The following SORBS2 variants were observed in gnomAD, a reference collection of about 807,000 sequenced individuals.
SORBS2 encodes sorbin and SH3 domain-containing protein 2.
In SORBS2, 46 loss-of-function variants were observed where a neutral mutation model predicts 97.7. The observed-to-expected ratio is 0.47, with a 90% CI of 0.37 to 0.60. SORBS2 has a LOEUF of 0.60. SORBS2 is among the 20% of genes least tolerant of loss of function. SORBS2 has a pLI of 0.00. For synonymous variants in SORBS2, 476 were observed against 473.4 expected, an observed-to-expected ratio of 1.01 and a Z score of -0.07; for missense variants, 1,316 against 1,282.3, an observed-to-expected ratio of 1.03 and a Z score of -0.40.
At chr4:185,796,001 G>A (rs1584973302) in intron 1 of SORBS2, among the ~76,000 whole-genome samples, 1 of 152,144 alleles carries the variant, frequency 6.6e-6, no homozygotes, top group East Asian at 1.9e-4. Flanking sequence ...CTACTGTCCT[G>A]TCTCAGCTGA....
At chr4:185,894,566 C>A (rs1327963435) in intron 1 of SORBS2, among the ~76,000 whole-genome samples, 1 of 152,188 alleles carries the variant, frequency 6.6e-6, no homozygotes, top group African/African-American at 2.4e-5. Flanking sequence ...ACACTGAAGA[C>A]TTGACCAGCC....
chr4:185,690,562 C>A, intron 2 of SORBS2: 1 of 1,524,714 alleles, frequency 6.6e-7, no homozygotes, highest in Non-Finnish European at 8.9e-7. Context: ...GACAGCATAC[C>A]TGTGTTCATT....
intron 4 of SORBS2, chr4:185,638,156 G>C (rs2097056019): frequency 6.3e-7 from 1 of 1,598,940 alleles, no homozygotes; most frequent in Non-Finnish European, 8.6e-7. Context: ...GGATTTATGC[G>C]ATCAGTCTAG....
intron 5 of SORBS2, 60 bp downstream of exon 17, chr4:185,630,489 A>T: frequency 9.5e-7 from 1 of 1,048,486 alleles, no homozygotes; most frequent in Admixed American, 2.3e-5. Flanking sequence ...GAATAATTTT[A>T]TTGTTGAAAA....
intron 11 of SORBS2, among the ~76,000 whole-genome samples, chr4:185,614,153 T>C (rs1176867010): frequency 6.9e-6 from 1 of 145,820 alleles, no homozygotes; most frequent in African/African-American, 2.6e-5. Flanking sequence ...TTGATTGTTT[T>C]TTTGTGTTTT....
At chr4:185,934,935 T>C (rs2099268252) in intron 1 of SORBS2, among the ~76,000 whole-genome samples, 1 of 152,186 alleles carries the variant, frequency 6.6e-6, no homozygotes, top group Non-Finnish European at 1.5e-5. Context: ...TGATCATGGC[T>C]CTTCGGGATA....
intron 1 of SORBS2, among the ~76,000 whole-genome samples, chr4:185,878,334 G>A (rs1355144970): frequency 1.3e-5 from 2 of 152,140 alleles, no homozygotes; most frequent in Non-Finnish European, 1.5e-5. Context: ...CCATATATGA[G>A]GATCACTATA....
intron 5 of SORBS2, among the ~76,000 whole-genome samples, chr4:185,628,996 G>A (rs1241003732): frequency 6.6e-6 from 1 of 152,184 alleles, no homozygotes; most frequent in Non-Finnish European, 1.5e-5. Flanking sequence ...AGTGATAATA[G>A]CAACAGCAGC....
intron 2 of SORBS2, among the ~76,000 whole-genome samples, chr4:185,708,200 G>A (rs2098374704): frequency 6.6e-6 from 1 of 152,136 alleles, no homozygotes; most frequent in Non-Finnish European, 1.5e-5. Flanking sequence ...ATTCTCCTTA[G>A]TCAGAAAAGC....
intron 1 of SORBS2, among the ~76,000 whole-genome samples, chr4:185,941,911 A>T (rs1323925001): frequency 4.6e-5 from 7 of 152,078 alleles, no homozygotes; most frequent in Non-Finnish European, 1.0e-4. Flanking sequence ...AGGTGAGGAG[A>T]TCGAGACCAG....
chr4:185,639,869 C>T (rs2310324), intron 4 of SORBS2, among the ~76,000 whole-genome samples: 105,691 of 152,012 alleles, frequency 0.7, 37,180 homozygotes, highest in Non-Finnish European at 0.74. Flanking sequence ...GGGACTTAAA[C>T]TGAATAGCGA....
At chr4:185,922,537 G>A (rs901502981) in intron 1 of SORBS2, among the ~76,000 whole-genome samples, 19 of 152,164 alleles carry the variant, frequency 1.2e-4, no homozygotes, top group African/African-American at 3.4e-4. Context: ...CTTCTGGAAC[G>A]CATCAGGTTT....
intron 12 of SORBS2, among the ~76,000 whole-genome samples, chr4:185,596,596 G>A (rs1316692423): frequency 1.5e-5 from 2 of 137,336 alleles, no homozygotes; most frequent in African/African-American, 5.5e-5. Flanking sequence ...GGTCAGTGGT[G>A]TGATCTTGGC....
chr4:185,631,502 CCTGT>C (rs1369372175), intron 4 of SORBS2, among the ~76,000 whole-genome samples: 29 of 152,182 alleles, frequency 1.9e-4, no homozygotes, highest in African/African-American at 6.8e-4. Context: ...GTGGCTCATG[CCTGT>C]AATCCCAGCA....
chr4:185,642,466 G>A (rs530660949), intron 4 of SORBS2, among the ~76,000 whole-genome samples: 12 of 151,788 alleles, frequency 7.9e-5, no homozygotes, highest in African/African-American at 2.9e-4. Flanking sequence ...GGGATATAAA[G>A]GTTTTAGTAA....
At position 185,606,489 on chromosome 4, in the gene SORBS2, G is replaced by A. The variant is rs2096422268; in HGVS notation, c.2796+5291C>T. On this transcript the variant is annotated intron_variant, in intron 12 of 14. Transcript: ENST00000418609. This position sits in a 1 kb window ranked among gnomAD's most constrained non-coding sequence, Gnocchi z 4.3. ...TTGTGTTTTTTGTTTAAAAAAATCT[G>A]TTAGTCAAAATAGGTATTTATTAAT... The A allele has an allele frequency of 3.1e-6, 3 of 982,744 alleles. No individual in the cohort carries two copies. Among genetic ancestry groups the A allele is most frequent in the Non-Finnish European group, 3.6e-6 (3 of 827,568 alleles). 60.9% of individuals were successfully genotyped at this position (982,744 alleles called of 1,614,324 possible). A position where few individuals can be genotyped will look rare whatever the true frequency, so the allele number is the denominator to read the frequency against.
intron 1 of SORBS2, among the ~76,000 whole-genome samples, chr4:185,813,389 G>A (rs1314179500): frequency 2.6e-5 from 4 of 152,146 alleles, no homozygotes; most frequent in Non-Finnish European, 5.9e-5. Flanking sequence ...ATTCACATTA[G>A]GTAGGTCTGA....
chr4:185,638,787 G>A (rs2097073443), intron 4 of SORBS2, 90 bp downstream of exon 14: 1 of 1,254,952 alleles, frequency 8.0e-7, no homozygotes, highest in African/African-American at 1.6e-5. Flanking sequence ...CGGGACCCGG[G>A]GGAGTGGGAG....
At chr4:185,899,426 C>T (rs577398733) in intron 1 of SORBS2, among the ~76,000 whole-genome samples, 3 of 152,014 alleles carry the variant, frequency 2.0e-5, no homozygotes, top group East Asian at 3.9e-4. Flanking sequence ...TGTGAAGTAG[C>T]GAGTTTATTT....
Sources: gnomAD v4.1 joint callset for allele counts (sites outside exome capture counted in the v4.1 genomes callset) on GRCh38, gnomAD v4.1.1 for gene constraint, Gnocchi (gnomAD v3.1) non-coding constraint, MANE v1.5 for transcripts, NCBI Gene and HGNC (gene_info 2026-07-23, HGNC 2026-07-21) for gene names.